The following GULP1 variants were observed in gnomAD, a reference collection of about 807,000 sequenced individuals.
The protein encoded by GULP1 is PTB domain-containing engulfment adapter protein 1.
In GULP1, 19 loss-of-function variants were observed where a neutral mutation model predicts 40.9. The ratio of observed to expected loss-of-function variants is 0.46; its 90% CI spans 0.32 to 0.68. The LOEUF is 0.68. GULP1 is among the 30% of genes least tolerant of loss of function. The probability of loss-of-function intolerance (pLI) is 0.03; values close to 1 mark genes in which losing one functional copy is unlikely to be tolerated. For synonymous variants in GULP1, 119 were observed against 117.6 expected, an observed-to-expected ratio of 1.01 and a Z score of -0.08; for missense variants, 312 against 362.2, an observed-to-expected ratio of 0.86 and a Z score of 1.12.
chr2:188,322,021 GT>G (rs2106615551), intron 1 of GULP1, among the ~76,000 whole-genome samples: 1 of 152,064 alleles, frequency 6.6e-6, no homozygotes, highest in East Asian at 1.9e-4. Context: ...GTGAAACTCT[GT>G]CTCAAAAATA....
intron 1 of GULP1, among the ~76,000 whole-genome samples, chr2:188,339,544 G>C (rs1392933596): frequency 1.3e-5 from 2 of 152,112 alleles, no homozygotes; most frequent in East Asian, 3.9e-4. Flanking sequence ...GGTTGGAAAT[G>C]CACATTTGTT....
At chr2:188,357,662 T>C (rs538072158) in intron 1 of GULP1, among the ~76,000 whole-genome samples, 35 of 152,164 alleles carry the variant, frequency 2.3e-4, no homozygotes, top group African/African-American at 7.9e-4. Context: ...AAACTGAAAA[T>C]AGAATTGCCG....
At chr2:188,398,086 T>C (rs1360564395) in intron 2 of GULP1, among the ~76,000 whole-genome samples, 6 of 152,170 alleles carry the variant, frequency 3.9e-5, no homozygotes, top group Non-Finnish European at 7.3e-5. Context: ...CATGTGTATT[T>C]AAAAGATACA....
Position 188,585,140 on chromosome 2 carries a change from C to A in GULP1, c.748+737C>A, listed in dbSNP as rs537456255. On this transcript the variant is annotated intron_variant, in intron 10 of 11. Transcript: ENST00000409830. ...AAATCTTAAAGCTCCAAAATTATCTCATTTTACTCCATGTGTCACATCCAG... is the reference window on the plus strand; with the variant it reads ...AAATCTTAAAGCTCCAAAATTATCTAATTTTACTCCATGTGTCACATCCAG... Among the ~76,000 whole-genome samples the A allele has an allele frequency of 2.0e-5, 3 of 152,286 alleles. 1 individual carries two copies. The South Asian group carries it at 6.2e-4, about 32-fold the overall frequency.
chr2:188,369,698 C>T (rs1288888885), intron 1 of GULP1, among the ~76,000 whole-genome samples: 3 of 152,314 alleles, frequency 2.0e-5, no homozygotes, highest in Middle Eastern at 3.4e-3. Flanking sequence ...ACTTATTATT[C>T]ATGAACTCTA....
intron 1 of GULP1, among the ~76,000 whole-genome samples, chr2:188,298,013 G>A (rs62179653): frequency 0.012 from 1,755 of 152,040 alleles, 15 homozygotes; most frequent in Middle Eastern, 0.048. Flanking sequence ...TTTCAACCTA[G>A]GTGAATTAAA....
chr2:188,560,240 C>T (rs1695888503), intron 7 of GULP1, among the ~76,000 whole-genome samples: 1 of 152,168 alleles, frequency 6.6e-6, no homozygotes, highest in Admixed American at 6.5e-5. Flanking sequence ...GAAATTTCTT[C>T]CTCCAGATAC....
intron 7 of GULP1, among the ~76,000 whole-genome samples, chr2:188,566,448 T>C (rs369790860): frequency 2.0e-5 from 3 of 152,206 alleles, no homozygotes; most frequent in Admixed American, 1.3e-4. Flanking sequence ...CCAAATGTCA[T>C]TAATGAATAA....
chr2:188,401,620 A>G (rs549452472), intron 2 of GULP1, among the ~76,000 whole-genome samples: 4 of 152,268 alleles, frequency 2.6e-5, no homozygotes, highest in South Asian at 2.1e-4. Context: ...AAAAAGGATT[A>G]TACCATCTGA....
chr2:188,354,372 G>C (rs1367081603), intron 1 of GULP1, among the ~76,000 whole-genome samples: 1 of 152,186 alleles, frequency 6.6e-6, no homozygotes, highest in African/African-American at 2.4e-5. Context: ...TTGCACCTGG[G>C]GAGCAGGGTA....
intron 9 of GULP1, 72 bp downstream of exon 9, chr2:188,570,192 A>G: frequency 1.5e-6 from 1 of 684,894 alleles, no homozygotes; most frequent in South Asian, 1.8e-5. Flanking sequence ...TAGTTCTGCA[A>G]TATTTCATAT....
intron 2 of GULP1, among the ~76,000 whole-genome samples, chr2:188,469,085 A>G (rs1215671709): frequency 6.6e-6 from 1 of 152,174 alleles, no homozygotes; most frequent in East Asian, 1.9e-4. Flanking sequence ...CTGAGGCTGA[A>G]TATGGATTAG....
intron 1 of GULP1, among the ~76,000 whole-genome samples, chr2:188,382,378 G>A (rs1442995799): frequency 6.6e-6 from 1 of 152,164 alleles, no homozygotes; most frequent in Admixed American, 6.6e-5. Flanking sequence ...TTAAGCTGCA[G>A]TTGCCAGTAG....
At chr2:188,335,268 A>G (rs968900066) in intron 1 of GULP1, among the ~76,000 whole-genome samples, 2 of 152,136 alleles carry the variant, frequency 1.3e-5, no homozygotes, top group African/African-American at 2.4e-5. Flanking sequence ...GCAGGGGGGA[A>G]GAGACTTTTT....
At chr2:188,514,126 C>T (rs1245636560) in intron 4 of GULP1, among the ~76,000 whole-genome samples, 1 of 150,626 alleles carries the variant, frequency 6.6e-6, no homozygotes, top group African/African-American at 2.4e-5. Context: ...CTGTTTCCAG[C>T]TTTGCCCCGA....
intron 4 of GULP1, among the ~76,000 whole-genome samples, chr2:188,501,783 G>T (rs2063459579): frequency 6.6e-6 from 1 of 151,924 alleles, no homozygotes; most frequent in South Asian, 2.1e-4. Context: ...TCACCCCTTG[G>T]TATGCTCCTG....
chr2:188,353,108 C>T (rs1369476097), intron 1 of GULP1, among the ~76,000 whole-genome samples: 1 of 152,050 alleles, frequency 6.6e-6, no homozygotes, highest in Non-Finnish European at 1.5e-5. Context: ...GGCAAAGTAA[C>T]ACATTCTTTG....
At chr2:188,397,394 A>G (rs887661869) in intron 2 of GULP1, among the ~76,000 whole-genome samples, 5 of 152,200 alleles carry the variant, frequency 3.3e-5, no homozygotes, top group African/African-American at 9.6e-5. Context: ...TCTTTATCAT[A>G]TAACACATAG....
intron 1 of GULP1, among the ~76,000 whole-genome samples, chr2:188,357,620 A>G (rs953646486): frequency 1.3e-5 from 2 of 152,178 alleles, no homozygotes; most frequent in African/African-American, 2.4e-5. Flanking sequence ...TAGCACAGCT[A>G]TTACAGGAAA....
Sources: gnomAD v4.1 joint callset for allele counts (sites outside exome capture counted in the v4.1 genomes callset) on GRCh38, gnomAD v4.1.1 for gene constraint, MANE v1.5 for transcripts, NCBI Gene and HGNC (gene_info 2026-07-23, HGNC 2026-07-21) for gene names.